The following BRINP1 variants were observed in gnomAD, a reference collection of about 807,000 sequenced individuals.
BRINP1 encodes BMP/retinoic acid-inducible neural-specific protein 1.
Under a neutral mutation model 72.9 loss-of-function variants are expected in BRINP1, and 17 were observed. The observed-to-expected ratio is 0.23, with a 90% CI of 0.16 to 0.35. BRINP1 has a LOEUF of 0.35. Ranked by LOEUF, BRINP1 falls within the 10% of genes least tolerant of loss-of-function variation. The probability of loss-of-function intolerance (pLI) is 1.00; values close to 1 mark genes in which losing one functional copy is unlikely to be tolerated. For missense variants in BRINP1, 850 were observed against 1,001.6 expected (o/e 0.85, Z 2.04); for synonymous variants, 418 against 378.5 (o/e 1.10, Z -1.21).
chr9:119,307,498 T>C (rs1215192331), intron 2 of BRINP1, among the ~76,000 whole-genome samples: 1 of 151,378 alleles, frequency 6.6e-6, no homozygotes, highest in South Asian at 2.1e-4. Context: ...GAACAAAAGG[T>C]TTGTGATGAG....
At chr9:119,327,544 G>T (rs1831252160) in intron 1 of BRINP1, among the ~76,000 whole-genome samples, 1 of 152,166 alleles carries the variant, frequency 6.6e-6, no homozygotes, top group African/African-American at 2.4e-5. Context: ...CATTTTAGAT[G>T]AATTACTCCA....
intron 7 of BRINP1, among the ~76,000 whole-genome samples, chr9:119,169,497 G>A (rs980816567): frequency 1.3e-5 from 2 of 152,190 alleles, no homozygotes; most frequent in African/African-American, 2.4e-5. Flanking sequence ...ACAGAGTCTC[G>A]CTGATTGCTA....
At chr9:119,299,452 A>G (rs1268562575) in intron 2 of BRINP1, among the ~76,000 whole-genome samples, 1 of 152,050 alleles carries the variant, frequency 6.6e-6, no homozygotes, top group Non-Finnish European at 1.5e-5. Flanking sequence ...CGTCTCTACT[A>G]AAAATACAAA....
chr9:119,291,530 T>C (rs1310983817), intron 2 of BRINP1, among the ~76,000 whole-genome samples: 2 of 152,172 alleles, frequency 1.3e-5, no homozygotes, highest in African/African-American at 4.8e-5. Context: ...CACCACCAAT[T>C]TTCTCTCTGG....
Position 119,174,011 on chromosome 9 carries a change from G to A in BRINP1, c.1146-5787C>T, listed in dbSNP as rs1316526989. Reference sequence around the variant, plus strand: ...TTCAAGATGGATTAAAGACTTAAACGTTAGACAGAAAACCTAGGCATTACC... The same window carrying A: ...TTCAAGATGGATTAAAGACTTAAACATTAGACAGAAAACCTAGGCATTACC... On this transcript the variant is annotated intron_variant, in intron 7 of 7. Transcript: ENST00000265922. Among the ~76,000 whole-genome samples, 5 of 97,534 alleles carry A rather than the reference G, an allele frequency of 5.1e-5. 2 individuals carry two copies. Among genetic ancestry groups the A allele is most frequent in the African/African-American group, 2.1e-4 (2 of 9,618 alleles). The allele number at this position is 97,534 out of a possible 152,430, so 64.0% of individuals were successfully genotyped here.
Position 119,167,005 on chromosome 9 carries a change from T to TTTTTTGTTTTG in BRINP1, c.*68_*78dup, listed in dbSNP as rs1201228962. Reference sequence around the variant, plus strand: ...TTACATTTTACAAATTTTTGTGGGTTTTTTTGTTTTGTTTTGCTTCATTTT... The same window carrying TTTTTTGTTTTG: ...TTACATTTTACAAATTTTTGTGGGTTTTTTTGTTTTGTTTTTGTTTTGTTTTGCTTCATTTT... On this transcript the variant is annotated 3_prime_UTR_variant, in exon 8 of 8. Coordinates refer to ENST00000265922, the MANE Select transcript of BRINP1 (RefSeq NM_014618.3). This position sits in a 1 kb window ranked among gnomAD's most constrained non-coding sequence, Gnocchi z 4.3. 3 of 1,436,738 alleles carry TTTTTTGTTTTG rather than the reference T, an allele frequency of 2.1e-6. No individual in the cohort carries two copies. In the African/African-American group the frequency reaches 4.3e-5, roughly 21 times the overall value. The allele number at this position is 1,436,738 out of a possible 1,614,324, so 89.0% of individuals were successfully genotyped here. A position where few individuals can be genotyped will look rare whatever the true frequency, so the allele number is the denominator to read the frequency against.
chr9:119,240,849 A>G (rs1830240178), intron 4 of BRINP1, among the ~76,000 whole-genome samples: 1 of 152,142 alleles, frequency 6.6e-6, no homozygotes, highest in African/African-American at 2.4e-5. Context: ...CCCTATAGAT[A>G]TCTTGGAAAG....
chr9:119,199,509 T>C (rs1829781459), intron 7 of BRINP1, among the ~76,000 whole-genome samples: 1 of 152,170 alleles, frequency 6.6e-6, no homozygotes, highest in African/African-American at 2.4e-5. Context: ...GGTAATTACA[T>C]TGTGCTTGGC....
chr9:119,281,406 T>C (rs1564237434), intron 2 of BRINP1, among the ~76,000 whole-genome samples: 1 of 127,110 alleles, frequency 7.9e-6, no homozygotes, highest in East Asian at 2.3e-4. Context: ...AAAAATCACT[T>C]AGGCAGTGTG....
At chr9:119,173,645 A>AAAGT (rs1564209036) in intron 7 of BRINP1, among the ~76,000 whole-genome samples, 1 of 149,052 alleles carries the variant, frequency 6.7e-6, no homozygotes, top group East Asian at 2.0e-4. Flanking sequence ...AAACTACTTT[A>AAAGT]AAGTTCATAT....
chr9:119,173,613 A>C (rs1829445118), intron 7 of BRINP1, among the ~76,000 whole-genome samples: 2 of 151,542 alleles, frequency 1.3e-5, no homozygotes, highest in Non-Finnish European at 2.9e-5. Flanking sequence ...GCTACCAATG[A>C]CTTTCTTCAC....
rs2118812202 is a variant in BRINP1 at position 119,167,816 on chromosome 9, A to G, written c.1554T>C (p.Pro518=). 1 of 1,612,974 alleles carries G rather than the reference A, an allele frequency of 6.2e-7. No homozygotes were observed. The highest frequency in any genetic ancestry group is 1.6e-4 in the Middle Eastern group (1 of 6,062). Residue 518 remains proline (P), a synonymous_variant, in exon 8 of 8, where the codon CCT becomes CCC. Coordinates refer to ENST00000265922, the MANE Select transcript of BRINP1 (RefSeq NM_014618.3). The surrounding 1 kb of genome is among the most constrained non-coding windows in gnomAD (Gnocchi z 4.3). ...NEIRLDTFFD[P]RWRKRMSLTL... Reference sequence around the variant, plus strand: ...TGAGGGACATGCGCTTGCGCCACCGAGGGTCAAAGAAGGTGTCGAGGCGGA... The same window carrying G: ...TGAGGGACATGCGCTTGCGCCACCGGGGGTCAAAGAAGGTGTCGAGGCGGA...
intron 7 of BRINP1, among the ~76,000 whole-genome samples, chr9:119,178,781 C>T (rs1000179184): frequency 1.7e-4 from 26 of 152,128 alleles, no homozygotes; most frequent in Admixed American, 7.9e-4. Flanking sequence ...TGTGGAGTAC[C>T]TTTGTGATCT....
intron 3 of BRINP1, among the ~76,000 whole-genome samples, chr9:119,245,414 C>T (rs1359467629): frequency 6.6e-6 from 1 of 152,166 alleles, no homozygotes; most frequent in Non-Finnish European, 1.5e-5. Context: ...CAAGCTTAAC[C>T]ACACGTGTCA....
chr9:119,305,667 T>A (rs1830988261), intron 2 of BRINP1, among the ~76,000 whole-genome samples: 1 of 152,052 alleles, frequency 6.6e-6, no homozygotes, highest in Non-Finnish European at 1.5e-5. Context: ...CTCTTCCTCC[T>A]CTCCTTCCCC....
intron 7 of BRINP1, among the ~76,000 whole-genome samples, chr9:119,169,167 C>T (rs1829366278): frequency 6.6e-6 from 1 of 152,238 alleles, no homozygotes; most frequent in African/African-American, 2.4e-5. Context: ...CTACAGCTCC[C>T]AGCGTGAGCG....
intron 7 of BRINP1, among the ~76,000 whole-genome samples, chr9:119,199,346 C>T (rs62570361): frequency 0.18 from 26,719 of 152,060 alleles, 2,636 homozygotes; most frequent in Non-Finnish European, 0.22. Context: ...ATAGAGATAA[C>T]GATTATCTTG....
Position 119,167,477 on chromosome 9 carries a change from A to C in BRINP1, c.1893T>G (p.Asn631Lys), listed in dbSNP as rs1196781034. ...SRTRLPTLLRNETGQGPVDLS... is the reference protein window; with the variant it reads ...SRTRLPTLLRKETGQGPVDLS... ...GGTCCACGGGGCCCTGGCCAGTCTCATTTCGCAGTAGGGTAGGTAGCCGAG... is the reference window on the plus strand; with the variant it reads ...GGTCCACGGGGCCCTGGCCAGTCTCCTTTCGCAGTAGGGTAGGTAGCCGAG... Residue 631 changes from asparagine (N) to lysine (K), a missense_variant, in exon 8 of 8, where the codon AAT (asparagine) becomes AAG (lysine). By Grantham distance (94) the Asn-to-Lys change is moderately conservative. Coordinates refer to ENST00000265922, the MANE Select transcript of BRINP1 (RefSeq NM_014618.3). This position sits in a 1 kb window ranked among gnomAD's most constrained non-coding sequence, Gnocchi z 4.3. 1.2e-6 allele frequency: 2 copies of C among 1,614,084 alleles called. No homozygotes were observed. Among genetic ancestry groups the C allele is most frequent in the Admixed American group, 3.3e-5 (2 of 60,012 alleles).
intron 7 of BRINP1, among the ~76,000 whole-genome samples, chr9:119,206,835 C>T (rs1487096678): frequency 6.6e-6 from 1 of 152,204 alleles, no homozygotes; most frequent in Non-Finnish European, 1.5e-5. Context: ...TCTTCAGAGA[C>T]TTGCTCGTGG....
Sources: gnomAD v4.1 joint callset for allele counts (sites outside exome capture counted in the v4.1 genomes callset) on GRCh38, gnomAD v4.1.1 for gene constraint, Gnocchi (gnomAD v3.1) non-coding constraint, MANE v1.5 for transcripts, NCBI Gene and HGNC (gene_info 2026-07-23, HGNC 2026-07-21) for gene names.